The following CRACD variants were observed in gnomAD, a reference collection of about 807,000 sequenced individuals.
CRACD encodes the protein capping protein inhibiting regulator of actin dynamics, also known as capping protein-inhibiting regulator of actin dynamics.
In CRACD, 56 loss-of-function variants were observed where a neutral mutation model predicts 106.8. The ratio of observed to expected loss-of-function variants is 0.52; its 90% confidence interval spans 0.42 to 0.66. CRACD has a LOEUF of 0.66. Ranked by LOEUF, CRACD falls within the 30% of genes least tolerant of loss-of-function variation. The probability of loss-of-function intolerance (pLI) is 0.00; values close to 1 mark genes in which losing one functional copy is unlikely to be tolerated. For missense variants in CRACD, 1,730 were observed against 1,623.2 expected, an observed-to-expected ratio of 1.07 and a Z score of -1.13; for synonymous variants, 754 against 670.8, an observed-to-expected ratio of 1.12 and a Z score of -1.92.
chr4:56,087,255 C>T (rs1472467453), intron 1 of CRACD, among the ~76,000 whole-genome samples: 5 of 152,128 alleles, frequency 3.3e-5, no homozygotes, highest in African/African-American at 4.8e-5. Context: ...TCAGACGATC[C>T]GCCCACCTGG....
intron 4 of CRACD, among the ~76,000 whole-genome samples, chr4:56,303,212 G>T (rs1744470822): frequency 6.6e-6 from 1 of 152,158 alleles, no homozygotes. Flanking sequence ...GGACGTGCAG[G>T]CATGTGCCTG....
chr4:56,139,235 C>A (rs974683202), intron 1 of CRACD, among the ~76,000 whole-genome samples: 1 of 152,124 alleles, frequency 6.6e-6, no homozygotes, highest in Non-Finnish European at 1.5e-5. Flanking sequence ...TACTGTCATA[C>A]CTCTAAAGCT....
intron 1 of CRACD, among the ~76,000 whole-genome samples, chr4:56,105,921 A>C (rs1733936123): frequency 6.7e-6 from 1 of 149,922 alleles, no homozygotes; most frequent in Non-Finnish European, 1.5e-5. Context: ...CAAAGTTGAG[A>C]AATAGATTTT....
At chr4:56,081,747 G>A (rs140867454) in intron 1 of CRACD, among the ~76,000 whole-genome samples, 2,471 of 152,108 alleles carry the variant, frequency 0.016, 76 homozygotes, top group African/African-American at 0.056. Flanking sequence ...AGGCTGAGGC[G>A]GGTGGATCGC....
At chr4:56,294,346 A>G (rs1743867868) in intron 3 of CRACD, among the ~76,000 whole-genome samples, 1 of 152,242 alleles carries the variant, frequency 6.6e-6, no homozygotes. Context: ...TTAAAAAATT[A>G]GAAAATAGAA....
intron 1 of CRACD, among the ~76,000 whole-genome samples, chr4:56,083,509 C>CACCCT (rs113197313): frequency 0.025 from 3,791 of 152,130 alleles, 65 homozygotes; most frequent in Admixed American, 0.059. Context: ...TACCATACCC[C>CACCCT]ACCCTACCCT....
Position 56,328,593 on chromosome 4 carries a change from C to T in CRACD, c.*789C>T. 2.9e-6 allele frequency: 1 copy of T among 339,282 alleles called. No individual in the cohort carries two copies. The highest frequency in any genetic ancestry group is 2.4e-5 in the South Asian group (1 of 40,886). 21.0% of individuals were successfully genotyped at this position (339,282 alleles called of 1,614,324 possible). A position where few individuals can be genotyped will look rare whatever the true frequency, so the allele number is the denominator to read the frequency against. ...TTCACTTTCTGTCTCTGAGAATCTCCATCTAGGGCAGTAGTTCTTATGATG... is the reference window on the plus strand; with the variant it reads ...TTCACTTTCTGTCTCTGAGAATCTCTATCTAGGGCAGTAGTTCTTATGATG... On this transcript the variant is annotated 3_prime_UTR_variant, in exon 11 of 11. Coordinates refer to ENST00000682029, the MANE Select transcript of CRACD (RefSeq NM_001393381.1).
intron 3 of CRACD, among the ~76,000 whole-genome samples, chr4:56,293,095 G>T (rs922880458): frequency 4.6e-5 from 7 of 152,324 alleles, no homozygotes; most frequent in African/African-American, 1.7e-4. Context: ...GAACTCAGCA[G>T]ATTGGACTTA....
chr4:56,205,367 C>A (rs1738074139), intron 2 of CRACD, among the ~76,000 whole-genome samples: 2 of 152,030 alleles, frequency 1.3e-5, no homozygotes, highest in Admixed American at 1.3e-4. Flanking sequence ...ACCATCTGGC[C>A]TGGTATTCAG....
At chr4:56,301,356 C>A in intron 4 of CRACD, 1 of 590,596 alleles carries the variant, frequency 1.7e-6, no homozygotes, top group Non-Finnish European at 2.6e-6. Context: ...TAAGAGACCG[C>A]CCCCTTGTAG....
chr4:56,060,761 T>A (rs367735635), intron 1 of CRACD, among the ~76,000 whole-genome samples: 2 of 152,140 alleles, frequency 1.3e-5, no homozygotes, highest in East Asian at 3.9e-4. Flanking sequence ...GTGATTATAA[T>A]GGTCGTGAGG....
At chr4:56,224,990 C>T (rs1739226452) in intron 2 of CRACD, among the ~76,000 whole-genome samples, 1 of 152,206 alleles carries the variant, frequency 6.6e-6, no homozygotes, top group Non-Finnish European at 1.5e-5. Context: ...CCCATGTGCC[C>T]TTCAGTGTCC....
At chr4:56,073,671 A>T (rs181867185) in intron 1 of CRACD, among the ~76,000 whole-genome samples, 7 of 152,218 alleles carry the variant, frequency 4.6e-5, no homozygotes, top group Admixed American at 6.5e-5. Context: ...CACTCTGATG[A>T]TAGTTTCTTT....
chr4:56,086,702 C>T (rs568187371), intron 1 of CRACD, among the ~76,000 whole-genome samples: 33 of 152,132 alleles, frequency 2.2e-4, no homozygotes, highest in Non-Finnish European at 4.4e-4. Flanking sequence ...GCGTCACTTT[C>T]CCGGCACCGC....
At position 56,225,079 on chromosome 4, in the gene CRACD, AC is replaced by A. The variant is rs1739231821; in HGVS notation, c.-189+45650del. 2.0e-5 allele frequency among the ~76,000 whole-genome samples: 3 copies of A among 152,172 alleles called. No individual in the cohort carries two copies. In the South Asian group the frequency reaches 6.2e-4, roughly 32 times the overall value. ...GCTCTTCATTTGTGATCTTCTCTCA[AC>A]ATGGTTATTTATTTATTTATTATTT... On this transcript the variant is annotated intron_variant, in intron 2 of 10. Transcript: ENST00000682029.
At chr4:56,313,847 C>A (rs1260767313) in intron 7 of CRACD, among the ~76,000 whole-genome samples, 193 bp from the exon 8 acceptor site, 4 of 151,994 alleles carry the variant, frequency 2.6e-5, no homozygotes, top group Admixed American at 2.0e-4. Context: ...AATACACGTC[C>A]TTTTCTCCAT....
In CRACD at chr4:56,327,678, G is replaced by A; in HGVS notation, c.3576G>A (p.Leu1192=). ...CCGACTCGGCTCCCCCAGCGCCGCT[G>A]GTAAAAGAAGTCACCAAGAGGTTTT... ...EISDSAPPAP[L]VKEVTKRFST... is the part of the protein sequence containing the mutation. Residue 1192 remains leucine, a synonymous_variant, in exon 11 of 11, where the codon CTG becomes CTA. Coordinates refer to ENST00000682029, the MANE Select transcript of CRACD (RefSeq NM_001393381.1). 6.2e-7 allele frequency: 1 copy of A among 1,613,898 alleles called. No individual in the cohort carries two copies. The highest frequency in any genetic ancestry group is 8.5e-7 in the Non-Finnish European group (1 of 1,179,950).
chr4:56,138,885 C>T (rs1479735460), intron 1 of CRACD, among the ~76,000 whole-genome samples: 1 of 152,128 alleles, frequency 6.6e-6, no homozygotes, highest in Non-Finnish European at 1.5e-5. Flanking sequence ...CCATCTTTTC[C>T]AGAAGAGATC....
rs1207909574 is a variant in CRACD at position 56,315,394 on chromosome 4, A to G, written c.1892A>G (p.Glu631Gly). 1.7e-5 allele frequency: 27 copies of G among 1,612,952 alleles called. No homozygotes were observed. In the Admixed American group the frequency reaches 2.8e-4, roughly 17 times the overall value. Residue 631 changes from glutamate to glycine, a missense_variant, in exon 8 of 11, where the codon GAA becomes GGA. Physicochemically the swap from Glu to Gly is moderately conservative, Grantham distance 98. Transcript: ENST00000682029. This position sits in a 1 kb window ranked among gnomAD's most constrained non-coding sequence, Gnocchi z 4.1. ...GGCTTGGAGGAGAAGAAGCACGCGG[A>G]AGCCCCAGCTGGGGAGAACCCTCCC... ...LLGLEEKKHA[E>G]APAGENPPRG...
Sources: gnomAD v4.1 joint callset for allele counts (sites outside exome capture counted in the v4.1 genomes callset) on GRCh38, gnomAD v4.1.1 for gene constraint, Gnocchi (gnomAD v3.1) non-coding constraint, MANE v1.5 for transcripts, NCBI Gene and HGNC (gene_info 2026-07-23, HGNC 2026-07-21) for gene names.